PRKG1: variants seen among roughly 807,000 people sequenced by gnomAD.
PRKG1 encodes the protein cGMP-dependent protein kinase 1.
In PRKG1, 35 loss-of-function variants were observed where a neutral mutation model predicts 88.1. The observed-to-expected ratio is 0.40, with a 90% CI of 0.30 to 0.53. The LOEUF is 0.53. Among genes scored for constraint, PRKG1 ranks in the 20% least tolerant of loss-of-function variants. The probability of loss-of-function intolerance (pLI) is 0.59; values close to 1 mark genes in which losing one functional copy is unlikely to be tolerated. For missense variants in PRKG1, 540 were observed against 839.8 expected (o/e 0.64, Z 4.41); for synonymous variants, 303 against 292.5 (o/e 1.04, Z -0.37).
At chr10:51,540,600 C>T (rs1842276135) in intron 3 of PRKG1, among the ~76,000 whole-genome samples, 1 of 152,112 alleles carries the variant, frequency 6.6e-6, no homozygotes, top group Admixed American at 6.6e-5. Context: ...CTATGTATGT[C>T]AGGGAAATTT....
chr10:51,312,390 A>G (rs934609806), intron 2 of PRKG1, among the ~76,000 whole-genome samples: 2 of 152,242 alleles, frequency 1.3e-5, no homozygotes, highest in Admixed American at 1.3e-4. Context: ...GCAGAACTGC[A>G]TCTTCTAAGG....
intron 9 of PRKG1, among the ~76,000 whole-genome samples, chr10:52,194,263 C>T (rs1839449215): frequency 6.6e-6 from 1 of 152,030 alleles, no homozygotes; most frequent in Non-Finnish European, 1.5e-5. Context: ...TTTATTAGGC[C>T]ACTGCACATA....
chr10:52,119,429 G>C (rs1426227630), intron 7 of PRKG1, among the ~76,000 whole-genome samples: 1 of 152,180 alleles, frequency 6.6e-6, no homozygotes, highest in South Asian at 2.1e-4. Context: ...ATTCTGATGA[G>C]AGAACACAGT....
chr10:52,274,142 C>T (rs1015877994), intron 12 of PRKG1, among the ~76,000 whole-genome samples: 1 of 151,476 alleles, frequency 6.6e-6, no homozygotes, highest in African/African-American at 2.4e-5. Flanking sequence ...TTTATTTTTT[C>T]ATAAGTTATT....
intron 4 of PRKG1, among the ~76,000 whole-genome samples, chr10:51,898,191 A>T (rs184656450): frequency 3.4e-4 from 51 of 152,168 alleles, no homozygotes; most frequent in African/African-American, 1.1e-3. Context: ...TTCTGCTCAG[A>T]TCTTACCTTT....
chr10:51,483,132 C>T (rs138413308), intron 3 of PRKG1, among the ~76,000 whole-genome samples: 4,088 of 151,424 alleles, frequency 0.027, 163 homozygotes, highest in African/African-American at 0.09. Context: ...GCAATTCTTC[C>T]GCGTCAGCCT....
intron 7 of PRKG1, among the ~76,000 whole-genome samples, chr10:52,063,207 G>A (rs770572387): frequency 8.5e-5 from 13 of 152,244 alleles, no homozygotes; most frequent in Non-Finnish European, 1.0e-4. Flanking sequence ...GAAGTGGCAA[G>A]GGGCACGTGA....
intron 3 of PRKG1, among the ~76,000 whole-genome samples, chr10:51,669,850 A>T (rs1268203048): frequency 1.3e-5 from 2 of 152,200 alleles, no homozygotes; most frequent in Non-Finnish European, 2.9e-5. Flanking sequence ...AGGTATTCTT[A>T]ATTTCTGGTC....
chr10:51,606,448 T>C (rs1246758316), intron 3 of PRKG1, among the ~76,000 whole-genome samples: 1 of 152,184 alleles, frequency 6.6e-6, no homozygotes, highest in African/African-American at 2.4e-5. Flanking sequence ...ATGTGGTTTA[T>C]TTCACTTCAT....
intron 1 of PRKG1, among the ~76,000 whole-genome samples, chr10:51,083,696 C>T (rs1042933484): frequency 2.0e-5 from 3 of 152,066 alleles, no homozygotes; most frequent in Non-Finnish European, 2.9e-5. Context: ...GTTGAGAGGT[C>T]GGAGACGACA....
At chr10:51,039,614 G>A (rs1369600710) in intron 1 of PRKG1, among the ~76,000 whole-genome samples, 1 of 151,816 alleles carries the variant, frequency 6.6e-6, no homozygotes, top group Non-Finnish European at 1.5e-5. Context: ...CTTTTAACGT[G>A]TCCATTTTTG....
chr10:51,838,821 A>G (rs1158217578), intron 4 of PRKG1, among the ~76,000 whole-genome samples: 3 of 152,186 alleles, frequency 2.0e-5, no homozygotes, highest in African/African-American at 4.8e-5. Flanking sequence ...AGTGATGGGA[A>G]ATAAAAACAA....
chr10:51,146,229 T>C (rs1845946175), intron 1 of PRKG1, among the ~76,000 whole-genome samples: 1 of 151,812 alleles, frequency 6.6e-6, no homozygotes, highest in African/African-American at 2.4e-5. Flanking sequence ...TTTCTCTGCA[T>C]CCTCTCTAGC....
rs572546219 is a variant in PRKG1, at chr10:51,822,501, A to AT, written c.698+17818dup. ...GAGAAACGTAGATAGAATTAGCAAT[A>AT]TTTTTTTCTGTCAGCCACATAGATT... On this transcript the variant is annotated intron_variant, in intron 4 of 17. Transcript: ENST00000373980. Among the ~76,000 whole-genome samples the AT allele has an allele frequency of 2.8e-3, 427 of 152,162 alleles. 6 individuals carry two copies. The highest frequency in any genetic ancestry group is 9.9e-3 in the African/African-American group (411 of 41,506).
chr10:51,859,287 G>A (rs529892082), intron 4 of PRKG1, among the ~76,000 whole-genome samples: 1 of 151,968 alleles, frequency 6.6e-6, no homozygotes, highest in South Asian at 2.1e-4. Context: ...AACATGGCCG[G>A]GTGCTAAGGT....
intron 5 of PRKG1, among the ~76,000 whole-genome samples, chr10:51,982,709 C>A (rs1285209374): frequency 1.3e-5 from 2 of 149,304 alleles, no homozygotes; most frequent in East Asian, 4.0e-4. Flanking sequence ...GCTCCTGGAC[C>A]ACTGTTCACT....
intron 2 of PRKG1, among the ~76,000 whole-genome samples, chr10:51,372,590 TG>T (rs1564466156): frequency 6.6e-6 from 1 of 152,186 alleles, no homozygotes; most frequent in Non-Finnish European, 1.5e-5. Flanking sequence ...CAAAATCAAG[TG>T]AAGGCTTCAA....
At chr10:51,043,890 C>T (rs1843455533) in intron 1 of PRKG1, among the ~76,000 whole-genome samples, 1 of 152,050 alleles carries the variant, frequency 6.6e-6, no homozygotes. Flanking sequence ...TTCAAAGGTC[C>T]CGTGATGGGA....
At chr10:51,685,209 G>A (rs1457309810) in intron 3 of PRKG1, among the ~76,000 whole-genome samples, 1 of 152,072 alleles carries the variant, frequency 6.6e-6, no homozygotes, top group East Asian at 1.9e-4. Flanking sequence ...GATATAATGG[G>A]GACAGTAAGG....
Sources: allele counts gnomAD v4.1 joint callset (sites outside exome capture counted in the v4.1 genomes callset), GRCh38; gene constraint gnomAD v4.1.1; transcripts MANE v1.5; gene names NCBI Gene and HGNC (gene_info 2026-07-23, HGNC 2026-07-21).